The following EPB41L4A variants were observed in gnomAD, a reference collection of about 807,000 sequenced individuals.
EPB41L4A encodes band 4.1-like protein 4A.
EPB41L4A carries 100 observed loss-of-function variants against 108.6 expected under a neutral mutation model. That is an observed-to-expected ratio of 0.92 (90% CI 0.78 to 1.09). EPB41L4A has a LOEUF of 1.09. Among genes scored for constraint, EPB41L4A ranks in the 50% least tolerant of loss-of-function variants. The pLI, the probability that EPB41L4A is intolerant of heterozygous loss-of-function variation, is 0.00. For missense variants in EPB41L4A, 1,030 were observed against 842.7 expected, an observed-to-expected ratio of 1.22 and a Z score of -2.75; for synonymous variants, 319 against 289.0, an observed-to-expected ratio of 1.10 and a Z score of -1.05.
rs924339439 is a variant in EPB41L4A at position 112,219,548 on chromosome 5, TATAAAA to T, written c.1088-9572_1088-9567del. Among the ~76,000 whole-genome samples the T allele has an allele frequency of 8.9e-4, 136 of 152,242 alleles. 1 individual carries two copies. Among genetic ancestry groups the T allele is most frequent in the African/African-American group, 3.2e-3 (132 of 41,536 alleles). On this transcript the variant is annotated intron_variant, in intron 12 of 22. Transcript: ENST00000261486. ...CTTATCATACTTCTCTATGACAAAA[TATAAAA>T]ATAAAGTGTTTACTTCCCATGACCA...
At chr5:112,383,078 C>G (rs759327367) in intron 1 of EPB41L4A, among the ~76,000 whole-genome samples, 10 of 152,158 alleles carry the variant, frequency 6.6e-5, no homozygotes, top group Admixed American at 6.5e-5. Flanking sequence ...AGAGGATCCT[C>G]AGAAGTGCAT....
chr5:112,195,805 T>C (rs1437959188), intron 15 of EPB41L4A, 97 bp from the exon 16 acceptor site: 3 of 1,041,562 alleles, frequency 2.9e-6, no homozygotes, highest in Non-Finnish European at 4.4e-6. Context: ...AACACATATT[T>C]GTCATACATT....
At chr5:112,419,849 G>A (rs1292615302), upstream of EPB41L4A, 4 of 456,660 alleles carry the variant, frequency 8.8e-6, no homozygotes, top group African/African-American at 2.0e-5. Context: ...GTGTAGCCAA[G>A]TTCAAGCTCT....
chr5:112,200,145 C>T (rs527819024), intron 15 of EPB41L4A, among the ~76,000 whole-genome samples: 1 of 152,294 alleles, frequency 6.6e-6, no homozygotes, highest in Non-Finnish European at 1.5e-5. Context: ...TGGCCTTTTT[C>T]GTTTTCATGA....
intron 2 of EPB41L4A, among the ~76,000 whole-genome samples, chr5:112,284,082 A>G (rs1286582301): frequency 6.6e-6 from 1 of 152,210 alleles, no homozygotes; most frequent in African/African-American, 2.4e-5. Flanking sequence ...GTCCTTTACA[A>G]TTGAACACCC....
At chr5:112,419,413 G>A (rs1312095194), upstream of EPB41L4A, 1 of 358,412 alleles carries the variant, frequency 2.8e-6, no homozygotes, top group African/African-American at 2.2e-5. Context: ...CCAGAAAAAG[G>A]AGTGATGGGA....
intron 1 of EPB41L4A, among the ~76,000 whole-genome samples, chr5:112,339,811 T>A: frequency 6.6e-6 from 1 of 152,058 alleles, no homozygotes. Context: ...ACTAGGATTA[T>A]AGGCGTGAGC....
rs886100178 is a variant in EPB41L4A, at chr5:112,164,757, C to T, written c.*233G>A. On this transcript the variant is annotated 3_prime_UTR_variant, in exon 23 of 23. Coordinates refer to ENST00000261486, the MANE Select transcript of EPB41L4A (RefSeq NM_022140.5). ...GCCTGAGACAGGAGAATCGCTTAAC[C>T]CAGTAAGTGGAGGCTGCGGTGAGCT... The T allele has an allele frequency of 9.6e-6, 3 of 312,672 alleles. No individual in the cohort carries two copies. The highest frequency in any genetic ancestry group is 2.2e-5 in the African/African-American group (1 of 45,268). The allele number at this position is 312,672 out of a possible 1,614,324, so 19.4% of individuals were successfully genotyped here.
At chr5:112,358,043 G>A (rs1164657826) in intron 1 of EPB41L4A, among the ~76,000 whole-genome samples, 1 of 152,296 alleles carries the variant, frequency 6.6e-6, no homozygotes, top group African/African-American at 2.4e-5. Flanking sequence ...ACTCAGCAAA[G>A]GACTTCTTCT....
chr5:112,234,612 A>T, intron 12 of EPB41L4A, 22 bp downstream of exon 12: 1 of 1,610,286 alleles, frequency 6.2e-7, no homozygotes, highest in Non-Finnish European at 8.5e-7. Context: ...TACATAGATA[A>T]CTCAGGGGAA....
At position 112,239,660 on chromosome 5, in the gene EPB41L4A, C is replaced by T; in HGVS notation, c.965G>A (p.Ser322Asn). 1 of 1,591,482 alleles carries T rather than the reference C, an allele frequency of 6.3e-7. No homozygotes were observed. The highest frequency in any genetic ancestry group is 1.1e-5 in the South Asian group (1 of 87,638). Residue 322 changes from serine (S) to asparagine (N), a missense_variant and splice_region_variant, in exon 11 of 23, where the codon AGT becomes AAT. Physicochemically the swap from Ser to Asn is conservative, Grantham distance 46. Coordinates refer to ENST00000261486, the MANE Select transcript of EPB41L4A (RefSeq NM_022140.5). ...FGSIRYKHRYSGRTALQMSRD... is the reference protein window; with the variant it reads ...FGSIRYKHRYNGRTALQMSRD... ...CCCCAAGGAAAAAAATGTCATTTAC[C>T]TGTAGCGGTGCTTATAACGTATGGA... is the stretch of plus-strand genomic sequence containing the variant.
chr5:112,406,704 G>A (rs1762094529), intron 1 of EPB41L4A, among the ~76,000 whole-genome samples: 1 of 152,052 alleles, frequency 6.6e-6, no homozygotes, highest in Admixed American at 6.5e-5. Context: ...TCTACATGAT[G>A]TTCGGCAAAT....
chr5:112,271,265 A>G (rs1349576216), intron 4 of EPB41L4A, among the ~76,000 whole-genome samples: 2 of 152,244 alleles, frequency 1.3e-5, no homozygotes, highest in East Asian at 3.8e-4. Context: ...TAAACATGCA[A>G]GAAGACCTAT....
rs771077356 is a variant in EPB41L4A at position 112,307,366 on chromosome 5, C to T, written c.204+20G>A. Reference sequence around the variant, plus strand: ...GAAATTTATAACCAGAAAAATTTAACACAAAGTCACCTTACTCACCGTCTG... The same window carrying T: ...GAAATTTATAACCAGAAAAATTTAATACAAAGTCACCTTACTCACCGTCTG... On this transcript the variant is annotated intron_variant, in intron 2 of 22. Transcript: ENST00000261486. The T allele has an allele frequency of 6.5e-7, 1 of 1,539,046 alleles. No individual in the cohort carries two copies. The highest frequency in any genetic ancestry group is 2.3e-5 in the East Asian group (1 of 44,330).
chr5:112,183,176 T>C (rs1761244859), intron 18 of EPB41L4A, among the ~76,000 whole-genome samples: 1 of 152,138 alleles, frequency 6.6e-6, no homozygotes, highest in African/African-American at 2.4e-5. Flanking sequence ...GCTGTCCTCT[T>C]GTCACCCTCC....
At chr5:112,270,208 T>A (rs1489251607) in intron 4 of EPB41L4A, among the ~76,000 whole-genome samples, 1 of 152,210 alleles carries the variant, frequency 6.6e-6, no homozygotes, top group Non-Finnish European at 1.5e-5. Flanking sequence ...CAAAGAATCC[T>A]GCAGTGCACC....
At chr5:112,331,312 C>CAACT (rs1455136429) in intron 1 of EPB41L4A, among the ~76,000 whole-genome samples, 2 of 152,204 alleles carry the variant, frequency 1.3e-5, no homozygotes, top group Non-Finnish European at 2.9e-5. Context: ...TCCTCTCCTA[C>CAACT]AACTACCCAG....
At chr5:112,378,990 T>C (rs184198700) in intron 1 of EPB41L4A, among the ~76,000 whole-genome samples, 31 of 152,306 alleles carry the variant, frequency 2.0e-4, no homozygotes, top group Admixed American at 2.0e-3. Flanking sequence ...ATTAGTTATA[T>C]GCAGGTGTCT....
At chr5:112,176,176 C>T (rs938861749) in intron 18 of EPB41L4A, among the ~76,000 whole-genome samples, 4 of 152,122 alleles carry the variant, frequency 2.6e-5, no homozygotes, top group Admixed American at 6.5e-5. Context: ...ATCCTAAGAG[C>T]GTGGTACCAT....
Sources: gnomAD v4.1 joint callset for allele counts (sites outside exome capture counted in the v4.1 genomes callset) on GRCh38, gnomAD v4.1.1 for gene constraint, MANE v1.5 for transcripts, NCBI Gene and HGNC (gene_info 2026-07-23, HGNC 2026-07-21) for gene names.